The following ABCA13 variants were observed in gnomAD, a reference collection of about 807,000 sequenced individuals.
The protein encoded by ABCA13 is ATP binding cassette subfamily A member 13.
Under a neutral mutation model 478.7 loss-of-function variants are expected in ABCA13, and 476 were observed. That is an observed-to-expected ratio of 0.99 (90% CI 0.92 to 1.07). ABCA13 has a LOEUF of 1.07. Among genes scored for constraint, ABCA13 ranks in the 50% least tolerant of loss-of-function variants. The pLI, the probability that ABCA13 is intolerant of heterozygous loss-of-function variation, is 0.00. For synonymous variants in ABCA13, 2,252 were observed against 2,158.9 expected (o/e 1.04, Z -1.20); for missense variants, 6,060 against 5,910.6 (o/e 1.03, Z -0.83).
intron 29 of ABCA13, among the ~76,000 whole-genome samples, chr7:48,339,006 T>C (rs1295400336): frequency 6.6e-6 from 1 of 152,174 alleles, no homozygotes; most frequent in East Asian, 1.9e-4. Context: ...GAGAAGAAGA[T>C]GACCATGCTT....
chr7:48,259,120 G>C (rs59982745), intron 15 of ABCA13, among the ~76,000 whole-genome samples: 13 of 151,998 alleles, frequency 8.6e-5, no homozygotes, highest in Admixed American at 3.3e-4. Context: ...AAGTCTGTTA[G>C]GCCCATTTTG....
intron 44 of ABCA13, among the ~76,000 whole-genome samples, chr7:48,467,537 G>A (rs146649309): frequency 1.4e-3 from 207 of 152,200 alleles, no homozygotes; most frequent in Non-Finnish European, 2.4e-3. Context: ...TTATTGTGAT[G>A]ATCTTTCTAT....
At chr7:48,409,059 T>A (rs76113214) in intron 39 of ABCA13, among the ~76,000 whole-genome samples, 17,756 of 152,272 alleles carry the variant, frequency 0.12, 1,213 homozygotes, top group Admixed American at 0.19. Flanking sequence ...TGTGTAATGA[T>A]CAAATCAGGG....
intron 3 of ABCA13, among the ~76,000 whole-genome samples, chr7:48,203,068 G>A (rs1374815093): frequency 1.3e-5 from 2 of 152,230 alleles, no homozygotes; most frequent in East Asian, 3.8e-4. Flanking sequence ...CGGGAAGGCA[G>A]CTAAGGCCCG....
intron 4 of ABCA13, among the ~76,000 whole-genome samples, chr7:48,220,726 G>A (rs1787241602): frequency 6.6e-6 from 1 of 152,006 alleles, no homozygotes. Context: ...ACTCTATTTT[G>A]GGGTCATTCT....
intron 31 of ABCA13, among the ~76,000 whole-genome samples, chr7:48,365,965 C>T (rs1287155796): frequency 2.0e-5 from 3 of 151,954 alleles, no homozygotes; most frequent in African/African-American, 4.8e-5. Context: ...ATTAAAATAC[C>T]AATGACATTC....
At chr7:48,601,151 AT>A (rs964394527) in intron 58 of ABCA13, among the ~76,000 whole-genome samples, 3 of 139,754 alleles carry the variant, frequency 2.1e-5, no homozygotes, top group South Asian at 2.1e-4. Context: ...TAACTGATTT[AT>A]TTTTTTTATA....
At chr7:48,243,879 C>T (rs558859569) in intron 10 of ABCA13, among the ~76,000 whole-genome samples, 1 of 152,252 alleles carries the variant, frequency 6.6e-6, no homozygotes, top group Non-Finnish European at 1.5e-5. Context: ...GGATTCCATG[C>T]AGTTGCTCAA....
chr7:48,416,583 C>T (rs572388074), intron 41 of ABCA13, among the ~76,000 whole-genome samples: 4 of 152,156 alleles, frequency 2.6e-5, no homozygotes, highest in Non-Finnish European at 4.4e-5. Context: ...GACACACAGA[C>T]AGACGACATT....
At chr7:48,484,393 A>G (rs1829084122) in intron 47 of ABCA13, among the ~76,000 whole-genome samples, 1 of 152,256 alleles carries the variant, frequency 6.6e-6, no homozygotes. Context: ...ATCATTATTA[A>G]TAACTTGATA....
intron 61 of ABCA13, 39 bp from the exon 62 acceptor site, chr7:48,645,378 A>G: frequency 6.8e-7 from 1 of 1,475,328 alleles, no homozygotes; most frequent in Non-Finnish European, 9.3e-7. Flanking sequence ...AAAGGGTTGT[A>G]TTCTTATAAG....
intron 55 of ABCA13, among the ~76,000 whole-genome samples, chr7:48,542,129 G>A (rs1420580597): frequency 6.6e-6 from 1 of 151,648 alleles, no homozygotes; most frequent in African/African-American, 2.4e-5. Flanking sequence ...GAATGATAAG[G>A]TGTAAAGCAA....
intron 15 of ABCA13, among the ~76,000 whole-genome samples, chr7:48,263,172 CAG>C (rs1794420554): frequency 6.6e-6 from 1 of 151,998 alleles, no homozygotes; most frequent in South Asian, 2.1e-4. Flanking sequence ...CCTACTGAAT[CAG>C]AGTATGCATT....
At chr7:48,239,020 C>T (rs1487818136) in intron 8 of ABCA13, among the ~76,000 whole-genome samples, 1 of 152,092 alleles carries the variant, frequency 6.6e-6, no homozygotes. Flanking sequence ...CCTGGAGAAA[C>T]AGCTGTTCCT....
At chr7:48,244,292 C>T (rs1791336208) in intron 10 of ABCA13, among the ~76,000 whole-genome samples, 1 of 152,184 alleles carries the variant, frequency 6.6e-6, no homozygotes. Context: ...CCATGTGAAA[C>T]TTTATCCTAA....
intron 43 of ABCA13, among the ~76,000 whole-genome samples, chr7:48,462,446 C>CCG (rs1826355756): frequency 1.3e-5 from 2 of 151,718 alleles, no homozygotes; most frequent in African/African-American, 4.9e-5. Context: ...AAAGGATTCC[C>CCG]CCCCCCCTAC....
intron 1 of ABCA13, among the ~76,000 whole-genome samples, chr7:48,178,135 T>TGAAGAATTG (rs1562707566): frequency 2.2e-4 from 34 of 152,354 alleles, no homozygotes; most frequent in African/African-American, 7.7e-4. Context: ...TAATTTCAAT[T>TGAAGAATTG]GATCTGAATT....
intron 47 of ABCA13, among the ~76,000 whole-genome samples, chr7:48,488,816 T>C (rs1004878053): frequency 7.9e-5 from 12 of 152,164 alleles, no homozygotes; most frequent in African/African-American, 2.9e-4. Context: ...CAGTTTATTT[T>C]GAGAAATAAT....
Position 48,372,189 on chromosome 7 carries a change from C to A in ABCA13, c.10825C>A (p.His3609Asn), listed in dbSNP as rs773508790. The change falls in exon 33 of 62, where the codon CAT (histidine) becomes AAT (asparagine). Residue 3609 changes from histidine (H) to asparagine (N), a missense_variant. Transcript: ENST00000435803. Reference sequence around the variant, plus strand: ...GTAGTATATGCGGATGATGGGAGTGCATCCAGTGATCCATTTCCTGGCCTG... The same window carrying A: ...GTAGTATATGCGGATGATGGGAGTGAATCCAGTGATCCATTTCCTGGCCTG... ...IEEYMRMMGV[H>N]PVIHFLAWFL... The A allele has an allele frequency of 2.5e-6, 4 of 1,613,218 alleles. No individual in the cohort carries two copies. In the Admixed American group the frequency reaches 5.0e-5, roughly 20 times the overall value.
Sources: gnomAD v4.1 joint callset for allele counts (sites outside exome capture counted in the v4.1 genomes callset) on GRCh38, gnomAD v4.1.1 for gene constraint, MANE v1.5 for transcripts, NCBI Gene and HGNC (gene_info 2026-07-23, HGNC 2026-07-21) for gene names.